The following PDE8B variants were observed in gnomAD, a reference collection of about 807,000 sequenced individuals.
The protein encoded by PDE8B is phosphodiesterase 8B.
Under a neutral mutation model 101.3 loss-of-function variants are expected in PDE8B, and 26 were observed. That is an observed-to-expected ratio of 0.26 (90% CI 0.19 to 0.36). PDE8B has a LOEUF of 0.36. Among genes scored for constraint, PDE8B ranks in the 10% least tolerant of loss-of-function variants. PDE8B has a pLI of 1.00. For synonymous variants in PDE8B, 424 were observed against 429.3 expected, an observed-to-expected ratio of 0.99 and a Z score of 0.15; for missense variants, 810 against 1,163.1, an observed-to-expected ratio of 0.70 and a Z score of 4.42.
intron 2 of PDE8B, among the ~76,000 whole-genome samples, chr5:77,320,447 TAC>T (rs1337242682): frequency 6.6e-6 from 1 of 152,164 alleles, no homozygotes; most frequent in East Asian, 1.9e-4. Flanking sequence ...TTTACAAGGG[TAC>T]AGTGAGATCG....
intron 1 of PDE8B, among the ~76,000 whole-genome samples, chr5:77,298,288 C>T (rs958655501): frequency 6.6e-6 from 1 of 152,176 alleles, no homozygotes; most frequent in Admixed American, 6.5e-5. Context: ...ATATCTTCCT[C>T]CTGTGGTTAG....
the PDE8B span, among the ~76,000 whole-genome samples, chr5:77,108,412 C>T: frequency 6.6e-6 from 1 of 152,148 alleles, no homozygotes; most frequent in Admixed American, 6.5e-5. Flanking sequence ...AGGCCAGGCA[C>T]ATGGCTCATG....
At chr5:77,104,008 G>C in the PDE8B span, among the ~76,000 whole-genome samples, 13 of 152,314 alleles carry the variant, frequency 8.5e-5, no homozygotes, top group South Asian at 2.1e-3. Context: ...AGTGTCTTCT[G>C]TTCCTTGCAC....
the PDE8B span, among the ~76,000 whole-genome samples, chr5:77,117,602 T>C: frequency 1.3e-5 from 2 of 152,140 alleles, no homozygotes; most frequent in African/African-American, 4.8e-5. Flanking sequence ...GCAGGAAACC[T>C]GGGTCCACCA....
chr5:77,117,726 T>A, the PDE8B span, among the ~76,000 whole-genome samples: 3 of 152,130 alleles, frequency 2.0e-5, no homozygotes. Context: ...AGGCAGGAAG[T>A]AAGAAAAGGT....
chr5:77,304,175 A>G (rs1770641844), intron 1 of PDE8B, among the ~76,000 whole-genome samples: 1 of 152,232 alleles, frequency 6.6e-6, no homozygotes, highest in Non-Finnish European at 1.5e-5. Context: ...CTGAGGGGCC[A>G]CTTTCTTGCC....
Position 77,423,240 on chromosome 5 carries a change from T to C in PDE8B, c.2418+1252T>C, listed in dbSNP as rs552143460. Among the ~76,000 whole-genome samples the C allele has an allele frequency of 2.6e-5, 4 of 152,314 alleles. No individual in the cohort carries two copies. In the South Asian group the frequency reaches 8.3e-4, roughly 32 times the overall value. On this transcript the variant is annotated intron_variant, in intron 20 of 21. Coordinates refer to ENST00000264917, the MANE Select transcript of PDE8B (RefSeq NM_003719.5). The stretch of plus-strand genomic sequence containing the variant: ...TATTCCATGGTGTATATGCACCACA[T>C]TTTCTTCATCCAGTCCACCAATGAT...
At chr5:77,230,591 C>T (rs752485415) in intron 1 of PDE8B, among the ~76,000 whole-genome samples, 7 of 152,128 alleles carry the variant, frequency 4.6e-5, no homozygotes, top group South Asian at 2.1e-4. Context: ...CTCAGCCTCC[C>T]GAGTATCTAG....
the PDE8B span, among the ~76,000 whole-genome samples, chr5:77,133,562 A>C: frequency 6.6e-6 from 1 of 152,180 alleles, no homozygotes; most frequent in Non-Finnish European, 1.5e-5. Context: ...TGGAGGCTGG[A>C]TGATGGGCAC....
rs1340864477 is a variant in PDE8B, at chr5:77,427,963, G to GA, written c.*1415dup. 6.6e-6 allele frequency: 1 copy of GA among 152,088 alleles called. No homozygotes were observed. The highest frequency in any genetic ancestry group is 1.5e-5 in the Non-Finnish European group (1 of 67,994). 9.4% of individuals were successfully genotyped at this position (152,088 alleles called of 1,614,324 possible). ...AGAATACTTGGAACTTGTACATGGGGAAAAAATGACTTATCACTACATAAT... is the reference window on the plus strand; with the variant it reads ...AGAATACTTGGAACTTGTACATGGGGAAAAAAATGACTTATCACTACATAAT... On this transcript the variant is annotated 3_prime_UTR_variant, in exon 22 of 22. Transcript: ENST00000264917.
chr5:77,092,897 C>G, the PDE8B span, among the ~76,000 whole-genome samples: 1 of 152,162 alleles, frequency 6.6e-6, no homozygotes, highest in Non-Finnish European at 1.5e-5. Context: ...ACACTCCAGC[C>G]TGGGTGATGG....
intron 1 of PDE8B, among the ~76,000 whole-genome samples, chr5:77,299,243 TTTG>T (rs1213262213): frequency 5.5e-5 from 4 of 72,168 alleles, no homozygotes; most frequent in African/African-American, 2.8e-4. Flanking sequence ...GAGTTGTTTT[TTTG>T]TTTGTTTGTT....
chr5:77,351,170 C>CA lies in PDE8B; in HGVS notation c.1106+19dup. The CA allele has an allele frequency of 6.3e-7, 1 of 1,579,754 alleles. No individual in the cohort carries two copies. Among genetic ancestry groups the CA allele is most frequent in the Non-Finnish European group, 8.7e-7 (1 of 1,148,818 alleles). On this transcript the variant is annotated intron_variant, in intron 9 of 21. Transcript: ENST00000264917. ...CCAAGGAGGGTGAGAGCAAACTGTT[C>CA]AACTCTTTTAGCTGAAGATAAAGAC...
chr5:77,398,621 G>A lies in PDE8B; in HGVS notation c.1168-1627G>A, dbSNP rs183214497. Among the ~76,000 whole-genome samples the A allele has an allele frequency of 5.1e-4, 77 of 152,246 alleles. No individual in the cohort carries two copies. The East Asian group carries it at 0.012, about 24-fold the overall frequency. On this transcript the variant is annotated intron_variant, in intron 10 of 21. Coordinates refer to ENST00000264917, the MANE Select transcript of PDE8B (RefSeq NM_003719.5). ...CAGGAGTGAGCCACGGCGCCCGACCGGCTGTTTTACTTTTGTGTCTGCTGC... is the reference window on the plus strand; with the variant it reads ...CAGGAGTGAGCCACGGCGCCCGACCAGCTGTTTTACTTTTGTGTCTGCTGC...
At chr5:77,123,731 C>T in the PDE8B span, among the ~76,000 whole-genome samples, 1 of 152,190 alleles carries the variant, frequency 6.6e-6, no homozygotes, top group Non-Finnish European at 1.5e-5. Context: ...TGCACTCCAG[C>T]CTGGGCAACG....
the PDE8B span, among the ~76,000 whole-genome samples, chr5:77,097,363 A>G: frequency 6.6e-6 from 1 of 152,086 alleles, no homozygotes; most frequent in African/African-American, 2.4e-5. Flanking sequence ...CTTGAAGCTT[A>G]GCTGATCTAG....
intron 6 of PDE8B, among the ~76,000 whole-genome samples, chr5:77,340,600 A>AGTGTGTGTGTGTGTGTGTGT (rs34764404): frequency 6.4e-5 from 9 of 140,078 alleles, no homozygotes; most frequent in South Asian, 2.5e-4. Context: ...GCAGCCTCAC[A>AGTGTGTGTGTGTGTGTGTGT]GTGTGTGTGT....
the PDE8B span, among the ~76,000 whole-genome samples, chr5:77,153,882 A>G: frequency 1.3e-5 from 2 of 152,238 alleles, no homozygotes; most frequent in East Asian, 3.9e-4. Context: ...GCCCAGCTGT[A>G]CTTTTAAAAA....
the PDE8B span, among the ~76,000 whole-genome samples, chr5:77,197,864 A>T: frequency 6.9e-6 from 1 of 144,562 alleles, no homozygotes. Context: ...AATATTTTCC[A>T]TTTCTCTTCT....
Sources: allele counts gnomAD v4.1 joint callset (sites outside exome capture counted in the v4.1 genomes callset), GRCh38; gene constraint gnomAD v4.1.1; transcripts MANE v1.5; gene names NCBI Gene and HGNC (gene_info 2026-07-23, HGNC 2026-07-21).